The following RSPH14 variants were observed in gnomAD, a reference collection of about 807,000 sequenced individuals.
RSPH14 encodes rhabdoid tumor deletion region gene 1.
In RSPH14, 20 loss-of-function variants were observed where a neutral mutation model predicts 26.7. The observed-to-expected ratio is 0.75, with a 90% CI of 0.53 to 1.09. The LOEUF is 1.09. RSPH14 is among the 50% of genes least tolerant of loss of function. The pLI is 0.00. For missense variants in RSPH14, 449 were observed against 457.2 expected, an observed-to-expected ratio of 0.98 and a Z score of 0.16; for synonymous variants, 177 against 189.3, an observed-to-expected ratio of 0.93 and a Z score of 0.53.
At position 23,107,291 on chromosome 22, in the gene RSPH14, C is replaced by T. The variant is rs73384386; in HGVS notation, c.421+26735G>A. Among the ~76,000 whole-genome samples the T allele has an allele frequency of 5.3e-3, 803 of 152,330 alleles. 9 individuals carry two copies. Among genetic ancestry groups the T allele is most frequent in the African/African-American group, 0.017 (718 of 41,574 alleles). On this transcript the variant is annotated intron_variant, in intron 4 of 6. Coordinates refer to ENST00000216036, the MANE Select transcript of RSPH14 (RefSeq NM_014433.3). ...CCCATCCCAGAGGAGCCCCATCTGT[C>T]GCTGGCCTGGGACCTACAGGCCTGA... is the stretch of plus-strand genomic sequence containing the variant.
In RSPH14 at chr22:23,063,924, C is replaced by T. The variant is rs145095630; in HGVS notation, c.631G>A (p.Ala211Thr). 14 of 1,614,064 alleles carry T rather than the reference C, an allele frequency of 8.7e-6. No individual in the cohort carries two copies. In the African/African-American group the frequency reaches 1.1e-4, roughly 12 times the overall value. ...SANQNIRSKA[A>T]RALLNVSISR... is the part of the protein sequence containing the mutation. ...CACCTGACATTAAGGAGCGCACGGG[C>T]GGCCTTGCTGCGGATGTTCTGGTTG... The change falls in exon 5 of 7, where the codon GCC (alanine) becomes ACC (threonine). Residue 211 changes from alanine to threonine, a missense_variant. By Grantham distance (58) the Ala-to-Thr change is moderately conservative (BLOSUM62 0). Transcript: ENST00000216036.
upstream of RSPH14, among the ~76,000 whole-genome samples, chr22:23,147,168 C>T (rs140528999): frequency 1.4e-3 from 212 of 152,224 alleles, no homozygotes; most frequent in African/African-American, 5.0e-3. Flanking sequence ...CTTGCCATTC[C>T]GCCTCTATGA....
At chr22:23,152,551 G>A in the RSPH14 span, 7 of 1,610,330 alleles carry the variant, frequency 4.3e-6, no homozygotes, top group Non-Finnish European at 5.9e-6. Context: ...CTGCCCCTTT[G>A]GCCACCTCCC....
the RSPH14 span, among the ~76,000 whole-genome samples, chr22:23,173,235 C>T: frequency 0.31 from 47,047 of 151,390 alleles, 7,610 homozygotes; most frequent in African/African-American, 0.39. Context: ...TCCAGGTTCA[C>T]GCCATTCTCC....
intron 1 of RSPH14, among the ~76,000 whole-genome samples, 162 bp from the exon 2 acceptor site, chr22:23,140,634 CA>C (rs1280409778): frequency 4.6e-5 from 7 of 152,212 alleles, no homozygotes; most frequent in Non-Finnish European, 7.3e-5. Context: ...CTCAAAGTCC[CA>C]GTGAAGGTAA....
intron 4 of RSPH14, chr22:23,123,551 C>CCCTTGGCCTCTGCCT (rs2070092486): frequency 9.4e-6 from 6 of 638,784 alleles, no homozygotes; most frequent in Non-Finnish European, 1.1e-5. Flanking sequence ...TGTCCCCCAC[C>CCCTTGGCCTCTGCCT]CCTTGGCCTC....
chr22:23,152,938 A>G, the RSPH14 span: 4 of 874,038 alleles, frequency 4.6e-6, no homozygotes, highest in Admixed American at 7.7e-5. Context: ...TGGGAAGTGG[A>G]CCTTATTTGC....
upstream of RSPH14, chr22:23,145,144 G>T (rs2070694015): frequency 1.7e-6 from 1 of 585,470 alleles, no homozygotes; most frequent in East Asian, 2.8e-5. Flanking sequence ...TGCCATAACC[G>T]CCCAACCTCT....
intron 5 of RSPH14, among the ~76,000 whole-genome samples, chr22:23,062,769 C>T (rs1330518248): frequency 6.6e-6 from 1 of 152,242 alleles, no homozygotes; most frequent in African/African-American, 2.4e-5. Context: ...CTGGGCCCCA[C>T]ATGCAGGGAT....
the RSPH14 span, chr22:23,156,105 C>A: frequency 2.3e-6 from 3 of 1,295,744 alleles, no homozygotes; most frequent in Admixed American, 4.5e-5. Context: ...CAGTGGGAAT[C>A]CCGAGTTCTC....
chr22:23,131,660 C>A, intron 4 of RSPH14: 3 of 1,303,724 alleles, frequency 2.3e-6, no homozygotes, highest in Non-Finnish European at 3.0e-6. Context: ...ACTAGACCCT[C>A]GCTTATTCCT....
Position 23,064,002 on chromosome 22 carries a change from C to T in RSPH14, c.553G>A (p.Glu185Lys), listed in dbSNP as rs141798865. 837 of 1,614,214 alleles carry T rather than the reference C, an allele frequency of 5.2e-4. 1 individual carries two copies. The highest frequency in any genetic ancestry group is 6.4e-4 in the Non-Finnish European group (751 of 1,180,028). ...AGCACCACATTGCTGCCCAGGGCCT[C>T]GGTGGCATCCTCCTGCAGGCAGAGG... ...LVLCLQEDAT[E>K]ALGSNVVLVL... Residue 185 changes from glutamate to lysine, a missense_variant, in exon 5 of 7, where the codon GAG (glutamate) becomes AAG (lysine). Glu to Lys is a moderately conservative substitution (Grantham distance 56, BLOSUM62 1). Transcript: ENST00000216036.
At chr22:23,096,460 C>T (rs375921443) in intron 4 of RSPH14, 3 of 1,558,762 alleles carry the variant, frequency 1.9e-6, no homozygotes, top group Non-Finnish European at 2.6e-6. Flanking sequence ...TTCCTGCTGT[C>T]GTGGGTTCCT....
At chr22:23,068,840 T>C (rs2068271177) in intron 4 of RSPH14, among the ~76,000 whole-genome samples, 1 of 152,230 alleles carries the variant, frequency 6.6e-6, no homozygotes, top group Admixed American at 6.5e-5. Flanking sequence ...TGCCGGTCTC[T>C]GTGTGGTCCT....
intron 4 of RSPH14, chr22:23,096,545 G>A: frequency 1.0e-6 from 1 of 989,652 alleles, no homozygotes. Flanking sequence ...TGGCCCTGCT[G>A]CACGATAACT....
At chr22:23,170,515 G>A in the RSPH14 span, among the ~76,000 whole-genome samples, 1 of 152,028 alleles carries the variant, frequency 6.6e-6, no homozygotes. Context: ...TTGGCAGGCC[G>A]AGGCGGACAG....
At chr22:23,061,619 G>A (rs552868442) in intron 6 of RSPH14, among the ~76,000 whole-genome samples, 190 bp downstream of exon 6, 2 of 152,244 alleles carry the variant, frequency 1.3e-5, no homozygotes, top group South Asian at 4.1e-4. Flanking sequence ...ACTGTGCTGG[G>A]GAGAAGAGGG....
intron 4 of RSPH14, among the ~76,000 whole-genome samples, chr22:23,114,578 T>C (rs1391257208): frequency 6.6e-6 from 1 of 152,224 alleles, no homozygotes; most frequent in African/African-American, 2.4e-5. Flanking sequence ...GCCAGCACTA[T>C]CTGCAGCAGT....
At chr22:23,060,200 G>A (rs558080127) in intron 6 of RSPH14, among the ~76,000 whole-genome samples, 2 of 152,210 alleles carry the variant, frequency 1.3e-5, no homozygotes, top group Non-Finnish European at 2.9e-5. Flanking sequence ...AGCTGGGCGC[G>A]GTGGCTCACG....
Sources: gnomAD v4.1 joint callset for allele counts (sites outside exome capture counted in the v4.1 genomes callset) on GRCh38, gnomAD v4.1.1 for gene constraint, MANE v1.5 for transcripts, NCBI Gene and HGNC (gene_info 2026-07-23, HGNC 2026-07-21) for gene names.